ITGB6: variants seen among roughly 807,000 people sequenced by gnomAD.
The protein encoded by ITGB6 is integrin subunit beta 6.
Under a neutral mutation model 84.5 loss-of-function variants are expected in ITGB6, and 80 were observed. That is an observed-to-expected ratio of 0.95 (90% CI 0.79 to 1.14). The LOEUF (loss-of-function observed/expected upper bound fraction) is 1.14. Among genes scored for constraint, ITGB6 ranks in the 50% most tolerant of loss-of-function variants. The pLI is 0.00. For missense variants in ITGB6, 1,006 were observed against 968.0 expected (o/e 1.04, Z -0.52); for synonymous variants, 383 against 354.9 (o/e 1.08, Z -0.89).
At chr2:160,139,331 T>C (rs973067071) in intron 8 of ITGB6, among the ~76,000 whole-genome samples, 1 of 152,286 alleles carries the variant, frequency 6.6e-6, no homozygotes, top group East Asian at 1.9e-4. Flanking sequence ...CCCTTAAGTG[T>C]AATTTTTTAA....
At chr2:160,171,332 T>TC (rs1559191184) in intron 6 of ITGB6, among the ~76,000 whole-genome samples, 2 of 146,078 alleles carry the variant, frequency 1.4e-5, no homozygotes, top group Non-Finnish European at 3.0e-5. Flanking sequence ...CAAATTTATT[T>TC]TTTTATTTTT....
chr2:160,195,734 G>T (rs1686311187), intron 3 of ITGB6, 119 bp from the exon 4 acceptor site: 1 of 1,106,742 alleles, frequency 9.0e-7, no homozygotes. Flanking sequence ...AAATACATAT[G>T]ATTTTATTAA....
At chr2:160,171,218 C>T (rs993403674) in intron 6 of ITGB6, among the ~76,000 whole-genome samples, 4 of 152,142 alleles carry the variant, frequency 2.6e-5, no homozygotes, top group Non-Finnish European at 4.4e-5. Flanking sequence ...CCCACCTACA[C>T]CTCCACAGCA....
At chr2:160,185,777 T>G (rs538632400) in intron 4 of ITGB6, among the ~76,000 whole-genome samples, 1 of 152,112 alleles carries the variant, frequency 6.6e-6, no homozygotes, top group Non-Finnish European at 1.5e-5. Flanking sequence ...AACAGATATA[T>G]AGACCAATGG....
At chr2:160,107,969 G>A (rs768493224) in intron 13 of ITGB6, 124 bp from the exon 14 acceptor site, 109 of 792,474 alleles carry the variant, frequency 1.4e-4, no homozygotes, top group Middle Eastern at 3.1e-4. Context: ...CACCATTTTC[G>A]CCTTGCTTAA....
intron 10 of ITGB6, among the ~76,000 whole-genome samples, chr2:160,134,604 A>G (rs947582924): frequency 9.9e-5 from 15 of 152,214 alleles, no homozygotes; most frequent in African/African-American, 3.6e-4. Context: ...CACAACTAAA[A>G]AAGAGAATTT....
chr2:160,181,012 GGGTGCCTATATCACCA>G (rs1559210699), intron 4 of ITGB6, among the ~76,000 whole-genome samples: 1 of 152,078 alleles, frequency 6.6e-6, no homozygotes, highest in African/African-American at 2.4e-5. Context: ...AGATTCCCTC[GGGTGCCTATATCACCA>G]GGGCCCTGGG....
intron 4 of ITGB6, among the ~76,000 whole-genome samples, chr2:160,185,668 A>C (rs1186552492): frequency 2.6e-5 from 4 of 152,226 alleles, no homozygotes; most frequent in Non-Finnish European, 5.9e-5. Flanking sequence ...TAGCAAAGAC[A>C]ATCCTAAGCA....
In ITGB6 at chr2:160,200,192, T is replaced by A; in HGVS notation, c.-129A>T. On this transcript the variant is annotated 5_prime_UTR_variant, in exon 1 of 15. Coordinates refer to ENST00000283249, the MANE Select transcript of ITGB6 (RefSeq NM_000888.5). Reference sequence around the variant, plus strand: ...CATTTTAAATACTACTTACACTGCTTTGAAAAGAAACTTGAGATATAAGTT... The same window carrying A: ...CATTTTAAATACTACTTACACTGCTATGAAAAGAAACTTGAGATATAAGTT... The A allele has an allele frequency of 1.5e-6, 1 of 677,078 alleles. No homozygotes were observed. Among genetic ancestry groups the A allele is most frequent in the Non-Finnish European group, 2.5e-6 (1 of 404,024 alleles). The allele number at this position is 677,078 out of a possible 1,614,324, so 41.9% of individuals were successfully genotyped here.
At chr2:160,138,461 G>C (rs1574076003) in intron 8 of ITGB6, among the ~76,000 whole-genome samples, 2 of 152,108 alleles carry the variant, frequency 1.3e-5, no homozygotes, top group East Asian at 3.8e-4. Flanking sequence ...CCTCAAGATG[G>C]TTCTGCACAC....
At chr2:160,147,687 C>T (rs2357861) in intron 7 of ITGB6, among the ~76,000 whole-genome samples, 51,350 of 151,996 alleles carry the variant, frequency 0.34, 9,050 homozygotes, top group East Asian at 0.52. Context: ...ATATAGTCAA[C>T]TGATCCTTGA....
At chr2:160,149,915 T>TA (rs1179515438) in intron 7 of ITGB6, among the ~76,000 whole-genome samples, 3 of 150,950 alleles carry the variant, frequency 2.0e-5, no homozygotes, top group Admixed American at 2.0e-4. Context: ...GAAAAAAGAG[T>TA]AAAAAGAAAC....
chr2:160,169,505 A>C (rs889417858), intron 6 of ITGB6, among the ~76,000 whole-genome samples, 198 bp from the exon 7 acceptor site: 1 of 152,224 alleles, frequency 6.6e-6, no homozygotes, highest in Non-Finnish European at 1.5e-5. Flanking sequence ...TAAATCTTAT[A>C]AATCCAGTCA....
chr2:160,131,612 T>G (rs1286207031), intron 10 of ITGB6, among the ~76,000 whole-genome samples: 1 of 152,206 alleles, frequency 6.6e-6, no homozygotes, highest in Non-Finnish European at 1.5e-5. Flanking sequence ...TAAATGCATT[T>G]ACTTTCATTA....
In ITGB6 at chr2:160,199,236, T is replaced by G. The variant is rs777488882; in HGVS notation, c.84A>C (p.Ala28=). 6.2e-7 allele frequency: 1 copy of G among 1,614,014 alleles called. No individual in the cohort carries two copies. The highest frequency in any genetic ancestry group is 1.3e-5 in the African/African-American group (1 of 74,928). ...HVQGGCALGG[A]ETCEDCLLIG... ...TAAGCAGGCAGTCTTCACAGGTTTC[T>G]GCACCTCCCAGGGCACAGCCACCTA... Residue 28 remains alanine (A), a synonymous_variant, in exon 2 of 15, where the codon GCA becomes GCC. Coordinates refer to ENST00000283249, the MANE Select transcript of ITGB6 (RefSeq NM_000888.5).
intron 14 of ITGB6, among the ~76,000 whole-genome samples, chr2:160,103,841 T>C (rs1696808291): frequency 6.6e-6 from 1 of 152,130 alleles, no homozygotes; most frequent in Non-Finnish European, 1.5e-5. Flanking sequence ...GGACACAGGC[T>C]GTGAGCAGGG....
At chr2:160,142,127 G>A (rs577466310) in intron 7 of ITGB6, 56 bp from the exon 8 acceptor site, 2 of 1,176,850 alleles carry the variant, frequency 1.7e-6, no homozygotes, top group South Asian at 2.7e-5. Flanking sequence ...ATTGAGAAAA[G>A]TGTGGGTTTG....
At chr2:160,181,470 G>C (rs1685669906) in intron 4 of ITGB6, among the ~76,000 whole-genome samples, 1 of 152,208 alleles carries the variant, frequency 6.6e-6, no homozygotes, top group African/African-American at 2.4e-5. Context: ...ATCTTTGAAA[G>C]AAAGGCAGTA....
intron 4 of ITGB6, among the ~76,000 whole-genome samples, chr2:160,181,821 C>T (rs1685689308): frequency 6.6e-6 from 1 of 152,208 alleles, no homozygotes; most frequent in Non-Finnish European, 1.5e-5. Context: ...TGTTCTGTAG[C>T]CTCCGCTGGT....
Sources: allele counts gnomAD v4.1 joint callset (sites outside exome capture counted in the v4.1 genomes callset), GRCh38; gene constraint gnomAD v4.1.1; transcripts MANE v1.5; gene names NCBI Gene and HGNC (gene_info 2026-07-23, HGNC 2026-07-21).